The following UROC1 variants were observed in gnomAD, a reference collection of about 807,000 sequenced individuals.
The protein encoded by UROC1 is urocanate hydratase.
A neutral mutation model predicts 89.5 loss-of-function variants in UROC1; 79 were observed. The ratio of observed to expected loss-of-function variants is 0.88; its 90% confidence interval spans 0.74 to 1.06. The LOEUF (loss-of-function observed/expected upper bound fraction) is 1.06. Ranked by LOEUF, UROC1 falls within the 50% of genes least tolerant of loss-of-function variation. The pLI is 0.00. For synonymous variants in UROC1, 361 were observed against 354.8 expected (o/e 1.02, Z -0.20); for missense variants, 885 against 907.8 (o/e 0.97, Z 0.32).
At chr3:126,501,422 G>A (rs962343409) in intron 9 of UROC1, 142 bp from the exon 10 acceptor site, 2 of 967,478 alleles carry the variant, frequency 2.1e-6, no homozygotes, top group Admixed American at 3.9e-5. Context: ...CCATGGGGCT[G>A]GGCCATGAAG....
At chr3:126,502,633 T>A (rs1935959957) in intron 9 of UROC1, among the ~76,000 whole-genome samples, 1 of 152,082 alleles carries the variant, frequency 6.6e-6, no homozygotes, top group Admixed American at 6.5e-5. Context: ...TGTGTTTATG[T>A]GTGTGCATGT....
intron 18 of UROC1, among the ~76,000 whole-genome samples, chr3:126,483,675 C>T (rs55966822): frequency 0.04 from 6,134 of 152,320 alleles, 420 homozygotes; most frequent in African/African-American, 0.14. Flanking sequence ...TCTCTGCCCA[C>T]TTGTGCCCCC....
intron 2 of UROC1, among the ~76,000 whole-genome samples, chr3:126,510,291 T>C (rs532993895): frequency 2.6e-5 from 4 of 152,310 alleles, no homozygotes; most frequent in African/African-American, 9.6e-5. Flanking sequence ...CGTGAGGTAT[T>C]TGAAGTCACT....
Position 126,482,402 on chromosome 3 carries a change from C to A in UROC1, c.1974G>T (p.Val658=), listed in dbSNP as rs759360606. The change falls in exon 20 of 20, where the codon GTG becomes GTT. Residue 658 remains valine, a synonymous_variant. Transcript: ENST00000290868. Reference sequence around the variant, plus strand: ...CGTCCTCCACCTTGTGAGGCAGTGTCACCACCAAGGTGCTGTTCTCCTGCA... The same window carrying A: ...CGTCCTCCACCTTGTGAGGCAGTGTAACCACCAAGGTGCTGTTCTCCTGCA... The part of the protein sequence containing the change: ...QTMQENSTLV[V]TLPHKVEDER... 1.2e-6 allele frequency: 2 copies of A among 1,613,964 alleles called. No homozygotes were observed. Among genetic ancestry groups the A allele is most frequent in the Admixed American group, 3.3e-5 (2 of 60,002 alleles).
rs941402672 is a variant in UROC1 at position 126,501,246 on chromosome 3, C to G, written c.937G>C (p.Gly313Arg). ...ARKKKEVLSL[G>R]YHGNVVALWE... Reference sequence around the variant, plus strand: ...AGAGCCACCACGTTGCCATGGTAACCAAGGCTGAGCACCTCCTTTTTTTTC... The same window carrying G: ...AGAGCCACCACGTTGCCATGGTAACGAAGGCTGAGCACCTCCTTTTTTTTC... The change falls in exon 10 of 20, where the codon GGT becomes CGT. Residue 313 changes from glycine to arginine, a missense_variant. Coordinates refer to ENST00000290868, the MANE Select transcript of UROC1 (RefSeq NM_144639.3). 4 of 1,614,026 alleles carry G rather than the reference C, an allele frequency of 2.5e-6. No homozygotes were observed. The highest frequency in any genetic ancestry group is 2.5e-6 in the Non-Finnish European group (3 of 1,180,026).
In UROC1 at chr3:126,492,495, T is replaced by C. The variant is rs776766225; in HGVS notation, c.1531A>G (p.Ile511Val). ...CGGCCCTTCTGGTCTGAGTACAGGATCCTTGCCTGGGAGCCCACCACCTGA... is the reference window on the plus strand; with the variant it reads ...CGGCCCTTCTGGTCTGAGTACAGGACCCTTGCCTGGGAGCCCACCACCTGA... ...HRLVVGSQAR[I>V]LYSDQKGRVA... The change falls in exon 16 of 20, where the codon ATC (isoleucine) becomes GTC (valine). Residue 511 changes from isoleucine to valine, a missense_variant. Transcript: ENST00000290868. 137 of 1,612,792 alleles carry C rather than the reference T, an allele frequency of 8.5e-5. No homozygotes were observed. Among genetic ancestry groups the C allele is most frequent in the Non-Finnish European group, 1.1e-4 (134 of 1,179,970 alleles).
intron 1 of UROC1, among the ~76,000 whole-genome samples, chr3:126,511,374 T>C (rs2107550587): frequency 6.6e-6 from 1 of 152,304 alleles, no homozygotes; most frequent in Middle Eastern, 3.4e-3. Context: ...TCTAACTCCT[T>C]TCATTTCACT....
intron 18 of UROC1, among the ~76,000 whole-genome samples, chr3:126,486,970 AG>A (rs1207990627): frequency 2.0e-5 from 3 of 152,218 alleles, no homozygotes; most frequent in Admixed American, 2.0e-4. Flanking sequence ...GCAGGGTAAA[AG>A]GTTTTAGGTC....
At chr3:126,511,070 G>A (rs1252816579) in intron 1 of UROC1, among the ~76,000 whole-genome samples, 5 of 152,026 alleles carry the variant, frequency 3.3e-5, no homozygotes, top group Non-Finnish European at 5.9e-5. Flanking sequence ...TGGGGATGGC[G>A]CTGCTTACCC....
At chr3:126,495,923 G>T in intron 15 of UROC1, 115 bp downstream of exon 15, 1 of 1,032,924 alleles carries the variant, frequency 9.7e-7, no homozygotes, top group Non-Finnish European at 1.5e-6. Context: ...ACCCTCTCAG[G>T]GCTTGGCAAG....
intron 15 of UROC1, among the ~76,000 whole-genome samples, chr3:126,495,221 T>C (rs902393689): frequency 1.3e-5 from 2 of 152,218 alleles, no homozygotes; most frequent in African/African-American, 2.4e-5. Context: ...ACATAAAATG[T>C]ACCATCTTAA....
intron 9 of UROC1, among the ~76,000 whole-genome samples, chr3:126,503,280 T>A (rs191542793): frequency 6.3e-4 from 96 of 152,356 alleles, no homozygotes; most frequent in Non-Finnish European, 1.1e-3. Flanking sequence ...AGAAACAGCT[T>A]TTAAGCCCCT....
At chr3:126,514,002 C>A (rs1936249290) in intron 1 of UROC1, among the ~76,000 whole-genome samples, 1 of 152,234 alleles carries the variant, frequency 6.6e-6, no homozygotes, top group East Asian at 1.9e-4. Context: ...CACATCTGTG[C>A]ACACTGCCTC....
chr3:126,483,437 C>G lies in UROC1; in HGVS notation c.1822G>C (p.Val608Leu). 6.2e-7 allele frequency: 1 copy of G among 1,613,854 alleles called. No individual in the cohort carries two copies. The change falls in exon 19 of 20, where the codon GTG becomes CTG. Residue 608 changes from valine to leucine, a missense_variant. Val to Leu is a conservative substitution (Grantham distance 32). Transcript: ENST00000290868. ...TCGGCCTCCGGGGTACCGTCCAGCA[C>G]GAGGCCGAATCCCCCGTTGATCACC... ...GEVINGGFGL[V>L]LDGTPEAEGR...
rs1242071013 is a variant in UROC1, at chr3:126,505,489, G to T, written c.813+212C>A. Among the ~76,000 whole-genome samples, 3 of 152,172 alleles carry T rather than the reference G, an allele frequency of 2.0e-5. No homozygotes were observed. The East Asian group carries it at 5.8e-4, about 29-fold the overall frequency. ...AGTCGATAGGCATTGCCCATGCAGG[G>T]TGATGGGCACTTTGAAAGCAGGAAG... On this transcript the variant is annotated intron_variant, in intron 8 of 19. Coordinates refer to ENST00000290868, the MANE Select transcript of UROC1 (RefSeq NM_144639.3).
intron 1 of UROC1, among the ~76,000 whole-genome samples, chr3:126,515,224 A>G (rs1936276531): frequency 1.3e-5 from 2 of 152,024 alleles, no homozygotes; most frequent in Admixed American, 6.5e-5. Flanking sequence ...GCCCTCCCTG[A>G]GCTCCGGGGT....
chr3:126,506,805 C>G (rs1423774325), intron 6 of UROC1, among the ~76,000 whole-genome samples: 1 of 152,208 alleles, frequency 6.6e-6, no homozygotes, highest in African/African-American at 2.4e-5. Context: ...TTGCCGGCCA[C>G]CGTGGCTCAT....
chr3:126,481,821 T>G lies in UROC1; in HGVS notation c.*524A>C, dbSNP rs1935394864. ...ATTTATCCTTAGGGCAGACCCGGCC[T>G]GCCCGTCCCACCAGCCCACAGTGCA... On this transcript the variant is annotated 3_prime_UTR_variant, in exon 20 of 20. Coordinates refer to ENST00000290868, the MANE Select transcript of UROC1 (RefSeq NM_144639.3). 6.1e-6 allele frequency: 1 copy of G among 163,226 alleles called. No individual in the cohort carries two copies. The allele number at this position is 163,226 out of a possible 1,614,324, so 10.1% of individuals were successfully genotyped here.
chr3:126,497,928 T>C, intron 14 of UROC1, 123 bp downstream of exon 14: 1 of 1,558,868 alleles, frequency 6.4e-7, no homozygotes, highest in Non-Finnish European at 8.7e-7. Context: ...ACTCACAAAG[T>C]CATCTGCGCC....
Sources: gnomAD v4.1 joint callset for allele counts (sites outside exome capture counted in the v4.1 genomes callset) on GRCh38, gnomAD v4.1.1 for gene constraint, MANE v1.5 for transcripts, NCBI Gene and HGNC (gene_info 2026-07-23, HGNC 2026-07-21) for gene names.